OLFM3: variants seen among roughly 807,000 people sequenced by gnomAD.
OLFM3 encodes noelin-3.
A neutral mutation model predicts 48.6 loss-of-function variants in OLFM3; 20 were observed. The ratio of observed to expected loss-of-function variants is 0.41; its 90% CI spans 0.29 to 0.60. OLFM3 has a LOEUF of 0.60. Among genes scored for constraint, OLFM3 ranks in the 20% least tolerant of loss-of-function variants. OLFM3 has a pLI of 0.28. For synonymous variants in OLFM3, 222 were observed against 198.1 expected (o/e 1.12, Z -1.01); for missense variants, 437 against 544.3 (o/e 0.80, Z 1.96).
chr1:101,895,714 T>G (rs771407361), intron 1 of OLFM3, among the ~76,000 whole-genome samples: 1 of 152,114 alleles, frequency 6.6e-6, no homozygotes, highest in Non-Finnish European at 1.5e-5. Flanking sequence ...GCTGTTCAAT[T>G]AATTCAATGG....
At chr1:101,861,266 T>C (rs1557706135) in intron 1 of OLFM3, among the ~76,000 whole-genome samples, 1 of 152,078 alleles carries the variant, frequency 6.6e-6, no homozygotes, top group East Asian at 1.9e-4. Context: ...TTCACTATGT[T>C]AGCCAGGCTG....
intron 1 of OLFM3, among the ~76,000 whole-genome samples, chr1:101,875,626 G>C (rs1179583118): frequency 6.6e-6 from 1 of 151,254 alleles, no homozygotes; most frequent in Admixed American, 6.6e-5. Flanking sequence ...GTGTATACAA[G>C]AAGTGGTTAT....
chr1:101,882,122 C>T (rs1383887843), intron 1 of OLFM3, among the ~76,000 whole-genome samples: 1 of 151,048 alleles, frequency 6.6e-6, no homozygotes, highest in Non-Finnish European at 1.5e-5. Flanking sequence ...CACACACACA[C>T]ACGACATTCA....
chr1:101,841,437 CTT>C (rs1655716112), intron 1 of OLFM3, among the ~76,000 whole-genome samples: 1 of 152,198 alleles, frequency 6.6e-6, no homozygotes, highest in South Asian at 2.1e-4. Flanking sequence ...TGCTCATACT[CTT>C]TGGATAAATG....
chr1:101,862,300 T>G (rs960164406), intron 1 of OLFM3, among the ~76,000 whole-genome samples: 1 of 152,198 alleles, frequency 6.6e-6, no homozygotes, highest in Non-Finnish European at 1.5e-5. Context: ...TAGTCTGTGA[T>G]TTTAGAGAAC....
At chr1:101,964,594 A>C (rs113666954) in intron 1 of OLFM3, among the ~76,000 whole-genome samples, 16 of 152,294 alleles carry the variant, frequency 1.1e-4, no homozygotes, top group African/African-American at 3.6e-4. Flanking sequence ...TTACTTTCTA[A>C]ACTTTATTTT....
At chr1:101,850,526 TGACCCTACACA>T (rs1384758566) in intron 1 of OLFM3, among the ~76,000 whole-genome samples, 2 of 152,126 alleles carry the variant, frequency 1.3e-5, no homozygotes, top group African/African-American at 4.8e-5. Context: ...GTTGTTTTAA[TGACCCTACACA>T]GACATATAAT....
chr1:101,948,146 A>G (rs1660015688), intron 1 of OLFM3, among the ~76,000 whole-genome samples: 1 of 152,214 alleles, frequency 6.6e-6, no homozygotes, highest in Non-Finnish European at 1.5e-5. Flanking sequence ...TTGAAAAAAA[A>G]TACAATTACT....
At chr1:101,926,213 A>G (rs1193236484) in intron 1 of OLFM3, among the ~76,000 whole-genome samples, 1 of 152,226 alleles carries the variant, frequency 6.6e-6, no homozygotes, top group African/African-American at 2.4e-5. Context: ...GTATTCAACC[A>G]CATTAAACTA....
chr1:101,819,934 G>T (rs1014455920), intron 4 of OLFM3, among the ~76,000 whole-genome samples: 1 of 151,936 alleles, frequency 6.6e-6, no homozygotes. Flanking sequence ...CTGGCCTAGC[G>T]CTTGTCAAGC....
intron 1 of OLFM3, among the ~76,000 whole-genome samples, chr1:101,977,165 ATTTG>A (rs1397189659): frequency 1.3e-5 from 2 of 152,184 alleles, no homozygotes; most frequent in East Asian, 3.8e-4. Context: ...GTATAAAAGC[ATTTG>A]TAATTAAATA....
chr1:101,970,175 C>T (rs1660741401), intron 1 of OLFM3, among the ~76,000 whole-genome samples: 1 of 151,710 alleles, frequency 6.6e-6, no homozygotes, highest in South Asian at 2.1e-4. Context: ...ACTACCACAC[C>T]CCGCTAATTT....
chr1:101,873,413 A>G (rs567362559), intron 1 of OLFM3, among the ~76,000 whole-genome samples: 287 of 152,016 alleles, frequency 1.9e-3, no homozygotes, highest in African/African-American at 6.7e-3. Context: ...ATGGGCTAAT[A>G]AAATGCAAGC....
intron 3 of OLFM3, among the ~76,000 whole-genome samples, chr1:101,830,192 T>G (rs1374248339): frequency 6.6e-6 from 1 of 152,162 alleles, no homozygotes; most frequent in Non-Finnish European, 1.5e-5. Context: ...AAAGTTGACA[T>G]AGCATGATTT....
chr1:101,971,287 T>C (rs1241608427), intron 1 of OLFM3, among the ~76,000 whole-genome samples: 3 of 152,150 alleles, frequency 2.0e-5, no homozygotes, highest in Non-Finnish European at 2.9e-5. Flanking sequence ...CGGGGATTGG[T>C]GATTGCTTGA....
intron 1 of OLFM3, among the ~76,000 whole-genome samples, chr1:101,946,527 C>T (rs376152136): frequency 2.4e-4 from 37 of 152,220 alleles, no homozygotes; most frequent in African/African-American, 7.7e-4. Flanking sequence ...ATATTTTTAG[C>T]GTACCTATAA....
chr1:101,934,252 A>G (rs1472215250), intron 1 of OLFM3, among the ~76,000 whole-genome samples: 1 of 152,192 alleles, frequency 6.6e-6, no homozygotes, highest in Non-Finnish European at 1.5e-5. Flanking sequence ...CACAGCCTCA[A>G]ATAAAGGGTG....
At position 101,806,063 on chromosome 1, in the gene OLFM3, G is replaced by A; in HGVS notation, c.699+13C>T. On this transcript the variant is annotated intron_variant, in intron 5 of 5. Coordinates refer to ENST00000370103, the MANE Select transcript of OLFM3 (RefSeq NM_058170.4). The stretch of plus-strand genomic sequence containing the variant: ...CTTAATTCTAAGCAAAGGTGTTTGT[G>A]GGAGAAACATACTCTGTTGTTTTTC... The A allele has an allele frequency of 1.3e-6, 2 of 1,586,644 alleles. No homozygotes were observed. Among genetic ancestry groups the A allele is most frequent in the Non-Finnish European group, 1.7e-6 (2 of 1,155,934 alleles).
rs571481060 is a variant in OLFM3, at chr1:101,847,862, C to G, written c.70-10837G>C. 3.9e-5 allele frequency among the ~76,000 whole-genome samples: 6 copies of G among 152,118 alleles called. No individual in the cohort carries two copies. In the South Asian group the frequency reaches 6.2e-4, roughly 16 times the overall value. Reference sequence around the variant, plus strand: ...GTGATTTAGTATAAAGGGCACAGGACTTGGACTCAGGAAGTCTGGGATCTA... The same window carrying G: ...GTGATTTAGTATAAAGGGCACAGGAGTTGGACTCAGGAAGTCTGGGATCTA... On this transcript the variant is annotated intron_variant, in intron 1 of 5. Coordinates refer to ENST00000370103, the MANE Select transcript of OLFM3 (RefSeq NM_058170.4).
Sources: allele counts gnomAD v4.1 joint callset (sites outside exome capture counted in the v4.1 genomes callset), GRCh38; gene constraint gnomAD v4.1.1; transcripts MANE v1.5; gene names NCBI Gene and HGNC (gene_info 2026-07-23, HGNC 2026-07-21).